Variants in SIDT2 observed in about 807,000 individuals in gnomAD.
SIDT2 encodes SID1 transmembrane family, member 2.
In SIDT2, 68 loss-of-function variants were observed where a neutral mutation model predicts 114.4. That is an observed-to-expected ratio of 0.59 (90% confidence interval 0.49 to 0.73). The LOEUF is 0.73. SIDT2 is among the 30% of genes least tolerant of loss of function. The probability of loss-of-function intolerance (pLI) is 0.00; values close to 1 mark genes in which losing one functional copy is unlikely to be tolerated. For synonymous variants in SIDT2, 470 were observed against 438.4 expected (o/e 1.07, Z -0.90); for missense variants, 918 against 1,097.1 (o/e 0.84, Z 2.31).
chr11:117,186,000 G>A (rs2030480913), intron 8 of SIDT2, 130 bp from the exon 9 acceptor site: 1 of 705,360 alleles, frequency 1.4e-6, no homozygotes, highest in Non-Finnish European at 2.5e-6. Context: ...TGGCTAGGCA[G>A]GGCCTTACAT....
chr11:117,187,132 G>C (rs1374685975), intron 10 of SIDT2: 14 of 1,264,236 alleles, frequency 1.1e-5, no homozygotes, highest in Non-Finnish European at 1.5e-5. Flanking sequence ...AGATGTGCCT[G>C]TTCTTGAACT....
chr11:117,192,941 GC>G lies in SIDT2; in HGVS notation c.2105+76del. On this transcript the variant is annotated intron_variant, in intron 22 of 25. Transcript: ENST00000324225. This position sits in a 1 kb window ranked among gnomAD's most constrained non-coding sequence, Gnocchi z 5.9. ...CGGTCAGCCACTGGCTGCCTTGGGGGCTAAGGACAACTTCCAAATGTTGGGC... is the reference window on the plus strand; with the variant it reads ...CGGTCAGCCACTGGCTGCCTTGGGGGTAAGGACAACTTCCAAATGTTGGGC... 1 of 1,580,786 alleles carries G rather than the reference GC, an allele frequency of 6.3e-7. No homozygotes were observed. The highest frequency in any genetic ancestry group is 1.1e-5 in the South Asian group (1 of 90,426).
chr11:117,196,492 A>C lies in SIDT2; in HGVS notation c.*426A>C. On this transcript the variant is annotated 3_prime_UTR_variant, in exon 26 of 26. Transcript: ENST00000324225. The surrounding 1 kb of genome is among the most constrained non-coding windows in gnomAD (Gnocchi z 4.9). Reference sequence around the variant, plus strand: ...GGCCTCTTTTTCCTCCCATACTCCCACTCCAGGGCCTAGTCTGGGGCCTGA... The same window carrying C: ...GGCCTCTTTTTCCTCCCATACTCCCCCTCCAGGGCCTAGTCTGGGGCCTGA... 11 of 196,864 alleles carry C rather than the reference A, an allele frequency of 5.6e-5. No individual in the cohort carries two copies. Among genetic ancestry groups the C allele is most frequent in the East Asian group, 1.3e-4 (1 of 7,510 alleles). The allele number at this position is 196,864 out of a possible 1,614,324, so 12.2% of individuals were successfully genotyped here. A position where few individuals can be genotyped will look rare whatever the true frequency, so the allele number is the denominator to read the frequency against.
At chr11:117,180,757 A>T (rs1404075803) in intron 1 of SIDT2, among the ~76,000 whole-genome samples, 1 of 151,866 alleles carries the variant, frequency 6.6e-6, no homozygotes, top group Non-Finnish European at 1.5e-5. Context: ...GCTGGTCTCA[A>T]ACTCCTGACC....
chr11:117,182,373 G>C, intron 4 of SIDT2, 146 bp from the exon 5 acceptor site: 1 of 763,598 alleles, frequency 1.3e-6, no homozygotes, highest in Admixed American at 2.4e-5. Context: ...GGGCTGCTGT[G>C]ATCAAGGCCT....
chr11:117,183,952 G>A (rs1166569825), intron 7 of SIDT2, 74 bp downstream of exon 7: 3 of 1,500,032 alleles, frequency 2.0e-6, no homozygotes, highest in East Asian at 2.3e-5. Context: ...AAGAGCCTGC[G>A]TGGCTGATTG....
rs766008203 is a variant in SIDT2, at chr11:117,192,373, G to A, written c.1981+11G>A. 6.9e-5 allele frequency: 107 copies of A among 1,545,282 alleles called. No individual in the cohort carries two copies. The highest frequency in any genetic ancestry group is 9.5e-5 in the African/African-American group (7 of 73,432). On this transcript the variant is annotated intron_variant, in intron 20 of 25. Coordinates refer to ENST00000324225, the MANE Select transcript of SIDT2 (RefSeq NM_001040455.2). The surrounding 1 kb of genome is among the most constrained non-coding windows in gnomAD (Gnocchi z 5.9). ...GCCGGTGGAAACTGGGTAAGGGCACGCCCGGGGCAGGGCCTGGGGGAGGGG... is the reference window on the plus strand; with the variant it reads ...GCCGGTGGAAACTGGGTAAGGGCACACCCGGGGCAGGGCCTGGGGGAGGGG...
In SIDT2 at chr11:117,182,800, C is replaced by G; in HGVS notation, c.696C>G (p.Thr232=). 1 of 1,613,652 alleles carries G rather than the reference C, an allele frequency of 6.2e-7. No individual in the cohort carries two copies. Among genetic ancestry groups the G allele is most frequent in the Non-Finnish European group, 8.5e-7 (1 of 1,179,816 alleles). ...CGATGACCAAGAAGGCGGCCATCAC[C>G]GTACAGGTAGGAAATGCATGTGGCC... is the stretch of plus-strand genomic sequence containing the variant. ...YQTMTKKAAI[T]VQRKDFPSNS... is the part of the protein sequence containing the mutation. Residue 232 remains threonine (T), a synonymous_variant, in exon 6 of 26, where the codon ACC becomes ACG. Transcript: ENST00000324225.
intron 13 of SIDT2, 60 bp from the exon 14 acceptor site, chr11:117,189,109 C>T: frequency 6.4e-7 from 1 of 1,558,586 alleles, no homozygotes; most frequent in Non-Finnish European, 8.9e-7. Flanking sequence ...CACCTCTAAC[C>T]TGGGGGAGGG....
At chr11:117,189,822 G>A (rs1284566763) in intron 15 of SIDT2, 130 bp from the exon 16 acceptor site, 6 of 770,526 alleles carry the variant, frequency 7.8e-6, no homozygotes, top group African/African-American at 5.1e-5. Flanking sequence ...ACGTGCCTGC[G>A]GTGCTGTGTA....
In SIDT2 at chr11:117,190,939, C is replaced by A; in HGVS notation, c.1735+199C>A. 1.8e-6 allele frequency: 1 copy of A among 563,192 alleles called. No homozygotes were observed. Among genetic ancestry groups the A allele is most frequent in the Middle Eastern group, 4.3e-4 (1 of 2,330 alleles). 34.9% of individuals were successfully genotyped at this position (563,192 alleles called of 1,614,324 possible). ...TGCTTCATTCATCTGTCAAGCTATT[C>A]CTATGTAAAGGCATGTGCCGCAGTG... On this transcript the variant is annotated intron_variant, in intron 18 of 25. Coordinates refer to ENST00000324225, the MANE Select transcript of SIDT2 (RefSeq NM_001040455.2). This position sits in a 1 kb window ranked among gnomAD's most constrained non-coding sequence, Gnocchi z 4.1.
rs1565289192 is a variant in SIDT2 at position 117,193,132 on chromosome 11, AC to A, written c.2106-18del. On this transcript the variant is annotated intron_variant, in intron 22 of 25. Coordinates refer to ENST00000324225, the MANE Select transcript of SIDT2 (RefSeq NM_001040455.2). ...TTGCCCTTGGGCTTCCTGCTTCACCACCCTTCATCCCTCTTGCCAGGGCTGC... is the reference window on the plus strand; with the variant it reads ...TTGCCCTTGGGCTTCCTGCTTCACCACCTTCATCCCTCTTGCCAGGGCTGC... 6.2e-7 allele frequency: 1 copy of A among 1,612,662 alleles called. No individual in the cohort carries two copies. Among genetic ancestry groups the A allele is most frequent in the African/African-American group, 1.3e-5 (1 of 74,910 alleles).
intron 22 of SIDT2, 37 bp from the exon 23 acceptor site, chr11:117,193,114 TGG>T: frequency 6.2e-7 from 1 of 1,602,790 alleles, no homozygotes; most frequent in Middle Eastern, 1.7e-4. Context: ...TCCTTGCCCT[TGG>T]GCTTCCTGCT....
At position 117,192,437 on chromosome 11, in the gene SIDT2, T is replaced by C; in HGVS notation, c.1981+75T>C. The C allele has an allele frequency of 1.4e-6, 2 of 1,391,142 alleles. No homozygotes were observed. Among genetic ancestry groups the C allele is most frequent in the Non-Finnish European group, 2.0e-6 (2 of 987,724 alleles). 86.2% of individuals were successfully genotyped at this position (1,391,142 alleles called of 1,614,324 possible). ...GGGAACCCGGACGCACGGGAGACGC[T>C]CAGGTTCTGTCTTGGGGGCCCTGGA... On this transcript the variant is annotated intron_variant, in intron 20 of 25. Coordinates refer to ENST00000324225, the MANE Select transcript of SIDT2 (RefSeq NM_001040455.2). This position sits in a 1 kb window ranked among gnomAD's most constrained non-coding sequence, Gnocchi z 5.9.
rs2030890763 is a variant in SIDT2 at position 117,196,157 on chromosome 11, C to T, written c.*91C>T. On this transcript the variant is annotated 3_prime_UTR_variant, in exon 26 of 26. Coordinates refer to ENST00000324225, the MANE Select transcript of SIDT2 (RefSeq NM_001040455.2). This position sits in a 1 kb window ranked among gnomAD's most constrained non-coding sequence, Gnocchi z 4.9. ...TCTGTCGTGCTGTGGGGATGAGTCC[C>T]AGCACCGCTGCCCAGCACTGGATGG... 2 of 1,544,746 alleles carry T rather than the reference C, an allele frequency of 1.3e-6. No homozygotes were observed. Among genetic ancestry groups the T allele is most frequent in the African/African-American group, 1.4e-5 (1 of 73,630 alleles).
At position 117,188,683 on chromosome 11, in the gene SIDT2, A is replaced by C; in HGVS notation, c.1160-25A>C. The C allele has an allele frequency of 6.3e-7, 1 of 1,585,016 alleles. No homozygotes were observed. The highest frequency in any genetic ancestry group is 8.7e-7 in the Non-Finnish European group (1 of 1,154,054). On this transcript the variant is annotated intron_variant, in intron 12 of 25. Transcript: ENST00000324225. The surrounding 1 kb of genome is among the most constrained non-coding windows in gnomAD (Gnocchi z 4.0). ...TGTGGGTTTTGTGTCCACCGGTGCA[A>C]CCCCTCCCTCCCTGCCCTTTCCAGG...
Position 117,181,948 on chromosome 11 carries a change from C to T in SIDT2, c.447C>T (p.Ser149=). 1 of 1,614,174 alleles carries T rather than the reference C, an allele frequency of 6.2e-7. No homozygotes were observed. Among genetic ancestry groups the T allele is most frequent in the Non-Finnish European group, 8.5e-7 (1 of 1,180,036 alleles). The change falls in exon 3 of 26, where the codon AGC becomes AGT. Residue 149 remains serine (S), a synonymous_variant. Transcript: ENST00000324225. ...ACACCACATACCAGCTCCGGGTCAG[C>T]CGCATGGACGATTTTGTGCTCAGGT... ...PVNTTYQLRV[S]RMDDFVLRTG...
chr11:117,192,156 A>G lies in SIDT2; in HGVS notation c.1873-98A>G, dbSNP rs2030726351. On this transcript the variant is annotated intron_variant, in intron 19 of 25. Coordinates refer to ENST00000324225, the MANE Select transcript of SIDT2 (RefSeq NM_001040455.2). The surrounding 1 kb of genome is among the most constrained non-coding windows in gnomAD (Gnocchi z 5.9). ...AGATGCCTTCCTGGGCCCCTCTCAGAGTCCCAGCCTGGCTGAGCAGCCAGC... is the reference window on the plus strand; with the variant it reads ...AGATGCCTTCCTGGGCCCCTCTCAGGGTCCCAGCCTGGCTGAGCAGCCAGC... 2 of 1,516,386 alleles carry G rather than the reference A, an allele frequency of 1.3e-6. No individual in the cohort carries two copies. Among genetic ancestry groups the G allele is most frequent in the South Asian group, 1.2e-5 (1 of 85,834 alleles). 93.9% of individuals were successfully genotyped at this position (1,516,386 alleles called of 1,614,324 possible). A position where few individuals can be genotyped will look rare whatever the true frequency, so the allele number is the denominator to read the frequency against.
intron 8 of SIDT2, 112 bp from the exon 9 acceptor site, chr11:117,186,018 G>T: frequency 1.2e-6 from 1 of 836,538 alleles, no homozygotes; most frequent in Non-Finnish European, 2.0e-6. Context: ...CATTTGAGGG[G>T]AGAAGGGTGA....
Sources: allele counts gnomAD v4.1 joint callset (sites outside exome capture counted in the v4.1 genomes callset), GRCh38; gene constraint gnomAD v4.1.1; non-coding constraint Gnocchi (gnomAD v3.1); transcripts MANE v1.5; gene names NCBI Gene and HGNC (gene_info 2026-07-23, HGNC 2026-07-21).